MDN1: variants seen among roughly 807,000 people sequenced by gnomAD.
The protein encoded by MDN1 is midasin AAA ATPase 1, also known as midasin.
In MDN1, 266 loss-of-function variants were observed where a neutral mutation model predicts 669.2. The observed-to-expected ratio is 0.40, with a 90% CI of 0.36 to 0.44. The LOEUF (loss-of-function observed/expected upper bound fraction) is 0.44. Ranked by LOEUF, MDN1 falls within the 20% of genes least tolerant of loss-of-function variation. The probability of loss-of-function intolerance (pLI) is 1.00; values close to 1 mark genes in which losing one functional copy is unlikely to be tolerated. For synonymous variants in MDN1, 2,385 were observed against 2,457.1 expected (o/e 0.97, Z 0.87); for missense variants, 5,940 against 6,754.0 (o/e 0.88, Z 4.22).
At chr6:89,751,363 T>C in intron 23 of MDN1, 68 bp downstream of exon 23, 2 of 1,579,546 alleles carry the variant, frequency 1.3e-6, no homozygotes, top group African/African-American at 1.4e-5. Context: ...TTAAGGAAGT[T>C]AGACCAAAAT....
Position 89,712,728 on chromosome 6 carries a change from C to A in MDN1, c.7277G>T (p.Gly2426Val). Reference protein sequence around the residue: ...VSSLRAHETWGDSILGMGLWP... With the variant: ...VSSLRAHETWVDSILGMGLWP... ...CAGTCCCATGCCAAGAATGGAGTCT[C>A]CCCAGGTTTCATGTGCTCGCAAAGA... The change falls in exon 48 of 102, where the codon GGA (glycine) becomes GTA (valine). Residue 2426 changes from glycine (G) to valine (V), a missense_variant. By Grantham distance (109) the Gly-to-Val change is moderately radical (BLOSUM62 -3). This residue lies in a region of MDN1 where 2,292 missense variants were observed against 2,638.3 expected (regional missense o/e 0.87). Coordinates refer to ENST00000369393, the MANE Select transcript of MDN1 (RefSeq NM_014611.3). 1 of 1,614,140 alleles carries A rather than the reference C, an allele frequency of 6.2e-7. No individual in the cohort carries two copies. Among genetic ancestry groups the A allele is most frequent in the Non-Finnish European group, 8.5e-7 (1 of 1,180,016 alleles).
At position 89,758,800 on chromosome 6, in the gene MDN1, G is replaced by A. The variant is rs767459698; in HGVS notation, c.2605+16C>T. On this transcript the variant is annotated intron_variant, in intron 18 of 101. Coordinates refer to ENST00000369393, the MANE Select transcript of MDN1 (RefSeq NM_014611.3). ...GGCTTGACACCAAGTCAAATCCCAAGGGATTCAAGTGCTACCTGTGTCTCC... is the reference window on the plus strand; with the variant it reads ...GGCTTGACACCAAGTCAAATCCCAAAGGATTCAAGTGCTACCTGTGTCTCC... 1 of 1,613,662 alleles carries A rather than the reference G, an allele frequency of 6.2e-7. No homozygotes were observed. Among genetic ancestry groups the A allele is most frequent in the African/African-American group, 1.3e-5 (1 of 75,008 alleles).
intron 70 of MDN1, among the ~76,000 whole-genome samples, chr6:89,685,390 T>G (rs1290545991): frequency 6.6e-6 from 1 of 152,184 alleles, no homozygotes; most frequent in Non-Finnish European, 1.5e-5. Flanking sequence ...ATACTCATCT[T>G]GTAGTGAGAC....
Position 89,694,095 on chromosome 6 carries a change from C to T in MDN1, c.9860G>A (p.Ser3287Asn). 2 of 1,614,148 alleles carry T rather than the reference C, an allele frequency of 1.2e-6. No homozygotes were observed. The highest frequency in any genetic ancestry group is 1.7e-6 in the Non-Finnish European group (2 of 1,180,008). Residue 3287 changes from serine (S) to asparagine (N), a missense_variant, in exon 62 of 102, where the codon AGC becomes AAC. Ser to Asn is a conservative substitution (Grantham distance 46, BLOSUM62 1). Transcript: ENST00000369393. ...GRDLEDEVVVSYSHPHVRLLR... is the reference protein window; with the variant it reads ...GRDLEDEVVVNYSHPHVRLLR... ...TTACCTGACGTGAGGATGAGAGTAGCTGACAACGACTTCATCTTCCAGGTC... is the reference window on the plus strand; with the variant it reads ...TTACCTGACGTGAGGATGAGAGTAGTTGACAACGACTTCATCTTCCAGGTC...
At chr6:89,752,899 C>T (rs1318086904) in intron 22 of MDN1, among the ~76,000 whole-genome samples, 6 of 151,936 alleles carry the variant, frequency 3.9e-5, no homozygotes, top group East Asian at 1.9e-4. Flanking sequence ...CCGAGGTGGA[C>T]GGATCATGAG....
intron 9 of MDN1, among the ~76,000 whole-genome samples, chr6:89,782,522 G>T (rs765742086): frequency 6.6e-5 from 10 of 151,860 alleles, no homozygotes; most frequent in Non-Finnish European, 1.2e-4. Context: ...AGCCTGAGAG[G>T]TTGAGGCTGC....
chr6:89,723,963 C>T (rs1191006289), intron 38 of MDN1, among the ~76,000 whole-genome samples: 2 of 152,068 alleles, frequency 1.3e-5, no homozygotes, highest in Middle Eastern at 3.4e-3. Context: ...ACCAGCATGA[C>T]GAAACCCTGT....
intron 21 of MDN1, 43 bp downstream of exon 21, chr6:89,754,040 C>T (rs1296485315): frequency 6.3e-7 from 1 of 1,588,722 alleles, no homozygotes; most frequent in South Asian, 1.1e-5. Flanking sequence ...CCCATGAACC[C>T]ATCCATTAAG....
At chr6:89,743,003 GC>G in intron 31 of MDN1, 146 bp downstream of exon 31, 1 of 909,704 alleles carries the variant, frequency 1.1e-6, no homozygotes. Context: ...AATCACCTGA[GC>G]CCAGAAGTTT....
At chr6:89,792,081 G>A (rs1485489528) in intron 5 of MDN1, among the ~76,000 whole-genome samples, 1 of 151,812 alleles carries the variant, frequency 6.6e-6, no homozygotes, top group Non-Finnish European at 1.5e-5. Context: ...TGTTAGCCAG[G>A]ATGGTCTCGA....
intron 94 of MDN1, 129 bp downstream of exon 94, chr6:89,652,863 G>T: frequency 3.1e-6 from 3 of 963,274 alleles, no homozygotes; most frequent in South Asian, 1.7e-5. Context: ...TTTTGAATAA[G>T]AACATGAAAC....
At chr6:89,763,985 C>T (rs894782693) in intron 15 of MDN1, among the ~76,000 whole-genome samples, 2 of 152,086 alleles carry the variant, frequency 1.3e-5, no homozygotes, top group South Asian at 2.1e-4. Flanking sequence ...GAGGTCAAGG[C>T]GGGAGGATCC....
intron 101 of MDN1, 54 bp downstream of exon 101, chr6:89,644,961 T>A: frequency 2.6e-6 from 4 of 1,543,976 alleles, no homozygotes; most frequent in Non-Finnish European, 3.5e-6. Flanking sequence ...TTGAACAGGT[T>A]GAAGGGAATC....
intron 20 of MDN1, among the ~76,000 whole-genome samples, chr6:89,756,073 T>C (rs1817228544): frequency 6.6e-6 from 1 of 152,240 alleles, no homozygotes; most frequent in South Asian, 2.1e-4. Context: ...AGGTAATGAT[T>C]CATAGCTTTC....
At chr6:89,668,284 GGA>G in intron 83 of MDN1, 133 bp from the exon 84 acceptor site, 1 of 1,100,742 alleles carries the variant, frequency 9.1e-7, no homozygotes, top group Non-Finnish European at 1.3e-6. Flanking sequence ...TAAATCCGCT[GGA>G]AGTACAGGAG....
At chr6:89,801,655 A>C (rs999173480) in intron 2 of MDN1, among the ~76,000 whole-genome samples, 33 of 151,976 alleles carry the variant, frequency 2.2e-4, no homozygotes, top group African/African-American at 4.8e-4. Context: ...GTCTCAAAAA[A>C]AAAACAAAAC....
At position 89,772,737 on chromosome 6, in the gene MDN1, A is replaced by G. The variant is rs1379240958; in HGVS notation, c.1935-16T>C. 3.1e-6 allele frequency: 5 copies of G among 1,610,514 alleles called. No individual in the cohort carries two copies. In the Admixed American group the frequency reaches 6.7e-5, roughly 22 times the overall value. On this transcript the variant is annotated splice_polypyrimidine_tract_variant and intron_variant, in intron 13 of 101. Transcript: ENST00000369393. ...GAACTTCTCCCTGGGAAGGAGAAAA[A>G]AAGAGTTTAAAAACCACGCTGCAAG...
intron 64 of MDN1, 80 bp from the exon 65 acceptor site, chr6:89,690,223 G>C (rs1315293911): frequency 7.0e-7 from 1 of 1,429,830 alleles, no homozygotes; most frequent in African/African-American, 1.4e-5. Flanking sequence ...AAAGAAAAAA[G>C]CATAAGAATG....
intron 1 of MDN1, among the ~76,000 whole-genome samples, chr6:89,817,147 A>C (rs1473596673): frequency 6.6e-6 from 1 of 152,162 alleles, no homozygotes; most frequent in African/African-American, 2.4e-5. Flanking sequence ...TACATCTTAC[A>C]TGTACTGAGT....
Sources: allele counts gnomAD v4.1 joint callset (sites outside exome capture counted in the v4.1 genomes callset), GRCh38; gene constraint gnomAD v4.1.1; regional missense constraint gnomAD v4.1.1; transcripts MANE v1.5; gene names NCBI Gene and HGNC (gene_info 2026-07-23, HGNC 2026-07-21).